The following GFAP variants were observed in gnomAD, a reference collection of about 807,000 sequenced individuals.
GFAP encodes glial fibrillary acidic protein.
Under a neutral mutation model 49.3 loss-of-function variants are expected in GFAP, and 38 were observed. The ratio of observed to expected loss-of-function variants is 0.77; its 90% CI spans 0.60 to 1.01. The LOEUF is 1.01. Ranked by LOEUF, GFAP falls within the 50% of genes least tolerant of loss-of-function variation. The pLI is 0.00. For synonymous variants in GFAP, 222 were observed against 236.4 expected (o/e 0.94, Z 0.56); for missense variants, 463 against 579.1 (o/e 0.80, Z 2.06).
rs948269761 is a variant in GFAP, at chr17:44,903,648, C to T, written c.*3699G>A. 2.5e-5 allele frequency: 36 copies of T among 1,432,960 alleles called. No homozygotes were observed. Among genetic ancestry groups the T allele is most frequent in the Non-Finnish European group, 3.1e-5 (34 of 1,099,818 alleles). 88.8% of individuals were successfully genotyped at this position (1,432,960 alleles called of 1,614,324 possible). On this transcript the variant is annotated 3_prime_UTR_variant, in exon 9 of 9. Transcript: ENST00000588735. ...TGGAATGTTAGAAGGGCATCTTGTA[C>T]ATCCACTGGGAATAAATTGCCTTGC...
chr17:44,910,583 G>A, intron 7 of GFAP, 32 bp downstream of exon 7: 1 of 1,562,902 alleles, frequency 6.4e-7, no homozygotes, highest in South Asian at 1.2e-5. Flanking sequence ...CAGGACTCCA[G>A]TGCCCTTCCC....
chr17:44,915,357 G>C lies in GFAP; in HGVS notation c.130C>G (p.Pro44Ala), dbSNP rs144543354. Residue 44 changes from proline (P) to alanine (A), a missense_variant, in exon 1 of 9, where the codon CCT becomes GCT. Transcript: ENST00000588735. This position sits in a 1 kb window ranked among gnomAD's most constrained non-coding sequence, Gnocchi z 4.1. The part of the protein sequence containing the change: ...GTRLSLARMP[P>A]PLPTRVDFSL... Reference sequence around the variant, plus strand: ...AAATCCACCCGGGTCGGGAGTGGAGGGGGCATTCGAGCCAGGGAGAGGCGG... The same window carrying C: ...AAATCCACCCGGGTCGGGAGTGGAGCGGGCATTCGAGCCAGGGAGAGGCGG... 100 of 1,611,506 alleles carry C rather than the reference G, an allele frequency of 6.2e-5. No homozygotes were observed. The African/African-American group carries it at 1.2e-3, about 20-fold the overall frequency.
intron 4 of GFAP, 100 bp from the exon 5 acceptor site, chr17:44,911,897 G>A: frequency 1.4e-6 from 2 of 1,388,474 alleles, no homozygotes; most frequent in Admixed American, 1.8e-5. Context: ...ACCCCAGGAC[G>A]TTGGCCCTGG....
Position 44,911,292 on chromosome 17 carries a change from C to T in GFAP, c.1071G>A (p.Leu357=), listed in dbSNP as rs1597857653. ...AGGTGGCGATCTCGATGTCCAGGGC[C>T]AGCTTGACATTGAGCAGGTCCTGGT... ...QEYQDLLNVK[L]ALDIEIATYR... The change falls in exon 6 of 9, where the codon CTG becomes CTA. Residue 357 remains leucine, a synonymous_variant. Transcript: ENST00000588735. 1 of 1,614,232 alleles carries T rather than the reference C, an allele frequency of 6.2e-7. No individual in the cohort carries two copies.
At chr17:44,914,282 A>G in intron 1 of GFAP, 194 bp from the exon 2 acceptor site, 1 of 595,160 alleles carries the variant, frequency 1.7e-6, no homozygotes, top group South Asian at 2.0e-5. Flanking sequence ...CTTTTGCCTT[A>G]ACTCATTACT....
In GFAP at chr17:44,908,057, TC is replaced by T; in HGVS notation, c.1257+6del. On this transcript the variant is annotated splice_donor_region_variant and intron_variant, in intron 8 of 8. Transcript: ENST00000588735. Reference sequence around the variant, plus strand: ...CAGAGCCTGACTGGGCCCAAATCCCTCCTTACCTCTCCATCCCGCATCTCCA... The same window carrying T: ...CAGAGCCTGACTGGGCCCAAATCCCTCTTACCTCTCCATCCCGCATCTCCA... The T allele has an allele frequency of 6.3e-7, 1 of 1,597,388 alleles. No individual in the cohort carries two copies. The highest frequency in any genetic ancestry group is 8.6e-7 in the Non-Finnish European group (1 of 1,164,984).
intron 7 of GFAP, chr17:44,909,883 A>G: frequency 7.6e-7 from 1 of 1,322,104 alleles, no homozygotes; most frequent in Non-Finnish European, 9.7e-7. Flanking sequence ...CTGCTTGCTC[A>G]GAGGCCCCAG....
Position 44,911,722 on chromosome 17 carries a change from G to T in GFAP, c.856C>A (p.Arg286=). Residue 286 remains arginine (R), a synonymous_variant, in exon 5 of 9, where the codon CGG becomes AGG. Transcript: ENST00000588735. ...RQAKHEANDY[R]RQLQSLTCDL... is the part of the protein sequence containing the mutation. ...CAGGTCAAGGACTGCAACTGGCGCC[G>T]GTAGTCGTTGGCTTCGTGCTTGGCC... The T allele has an allele frequency of 6.2e-7, 1 of 1,614,004 alleles. No individual in the cohort carries two copies. Among genetic ancestry groups the T allele is most frequent in the South Asian group, 1.1e-5 (1 of 91,082 alleles).
In GFAP at chr17:44,907,280, AGCAACTATCCTGCTTCT is replaced by A; in HGVS notation, c.*50_*66del. 1 of 1,474,294 alleles carries A rather than the reference AGCAACTATCCTGCTTCT, an allele frequency of 6.8e-7. No individual in the cohort carries two copies. Among genetic ancestry groups the A allele is most frequent in the Non-Finnish European group, 9.5e-7 (1 of 1,053,008 alleles). 91.3% of individuals were successfully genotyped at this position (1,474,294 alleles called of 1,614,324 possible). ...TGGGGAAATGTGCCAGCAGAGGCGGAGCAACTATCCTGCTTCTGCTCGGGCCCCTCATGAGACGGGGC... is the reference window on the plus strand; with the variant it reads ...TGGGGAAATGTGCCAGCAGAGGCGGAGCTCGGGCCCCTCATGAGACGGGGC... On this transcript the variant is annotated 3_prime_UTR_variant, in exon 9 of 9. Transcript: ENST00000588735.
In GFAP at chr17:44,904,012, A is replaced by C. The variant is rs1273417262; in HGVS notation, c.*3335T>G. ...GTCACTGCAAACCCGAAGAGGTGCC[A>C]GCTGTAGTCTGGTTCTACCAAAAGC... On this transcript the variant is annotated 3_prime_UTR_variant, in exon 9 of 9. Coordinates refer to ENST00000588735, the MANE Select transcript of GFAP (RefSeq NM_002055.5). 6.4e-7 allele frequency: 1 copy of C among 1,550,552 alleles called. No homozygotes were observed. Among genetic ancestry groups the C allele is most frequent in the Admixed American group, 2.0e-5 (1 of 50,992 alleles).
Position 44,913,806 on chromosome 17 carries a change from G to T in GFAP, c.540C>A (p.Thr180=). Residue 180 remains threonine (T), a synonymous_variant, in exon 3 of 9, where the codon ACC becomes ACA. Coordinates refer to ENST00000588735, the MANE Select transcript of GFAP (RefSeq NM_002055.5). ...AAYRQEADEA[T]LARLDLERKI... ...TCCTCTCCAGATCCAGACGGGCCAG[G>T]GTGGCTTCATCTGCTTCCTGGAGTG... 1 of 1,614,060 alleles carries T rather than the reference G, an allele frequency of 6.2e-7. No homozygotes were observed. The highest frequency in any genetic ancestry group is 8.5e-7 in the Non-Finnish European group (1 of 1,179,928).
chr17:44,910,142 G>A lies in GFAP; in HGVS notation c.1171+473C>T, dbSNP rs775524073. Reference sequence around the variant, plus strand: ...GTGTCTGAGAGGCAGGCAGCTAACCGCGAGCCGGCGGCGTTCCATTTACAA... The same window carrying A: ...GTGTCTGAGAGGCAGGCAGCTAACCACGAGCCGGCGGCGTTCCATTTACAA... On this transcript the variant is annotated intron_variant, in intron 7 of 8. Transcript: ENST00000588735. The A allele has an allele frequency of 2.4e-5, 39 of 1,613,852 alleles. No individual in the cohort carries two copies. The highest frequency in any genetic ancestry group is 3.0e-5 in the Non-Finnish European group (35 of 1,179,852).
In GFAP at chr17:44,904,755, G is replaced by A. The variant is rs548806172; in HGVS notation, c.*2592C>T. 49 of 1,550,568 alleles carry A rather than the reference G, an allele frequency of 3.2e-5. No individual in the cohort carries two copies. In the East Asian group the frequency reaches 3.4e-4, roughly 11 times the overall value. On this transcript the variant is annotated 3_prime_UTR_variant, in exon 9 of 9. Coordinates refer to ENST00000588735, the MANE Select transcript of GFAP (RefSeq NM_002055.5). ...GACAAAGACCGCCAGCACCTCTACC[G>A]CACACAGTACCTGAAGGGTGTCAAC...
rs988323489 is a variant in GFAP at position 44,910,505 on chromosome 17, G to A, written c.1171+110C>T. 3.0e-5 allele frequency: 46 copies of A among 1,552,958 alleles called. No individual in the cohort carries two copies. The highest frequency in any genetic ancestry group is 3.7e-5 in the Non-Finnish European group (43 of 1,147,778). ...GCAGTGTCACGAAGGCCCCCAGGGA[G>A]AGCTGGATCCCTTTGCCCTGATCCT... is the stretch of plus-strand genomic sequence containing the variant. On this transcript the variant is annotated intron_variant, in intron 7 of 8. Coordinates refer to ENST00000588735, the MANE Select transcript of GFAP (RefSeq NM_002055.5).
rs748862110 is a variant in GFAP at position 44,907,923 on chromosome 17, G to A, written c.1257+141C>T. 9 of 774,124 alleles carry A rather than the reference G, an allele frequency of 1.2e-5. No homozygotes were observed. The South Asian group carries it at 1.2e-4, about 11-fold the overall frequency. 48.0% of individuals were successfully genotyped at this position (774,124 alleles called of 1,614,324 possible). A position where few individuals can be genotyped will look rare whatever the true frequency, so the allele number is the denominator to read the frequency against. ...AAACGGAATTACATTCAGTTTCCTT[G>A]CTCTCCTCCAGAATTCCCTGGGGAG... is the stretch of plus-strand genomic sequence containing the variant. On this transcript the variant is annotated intron_variant, in intron 8 of 8. Transcript: ENST00000588735.
At position 44,915,366 on chromosome 17, in the gene GFAP, G is replaced by A. The variant is rs750178537; in HGVS notation, c.121C>T (p.Arg41Ter). The A allele has an allele frequency of 5.0e-6, 8 of 1,610,208 alleles. No individual in the cohort carries two copies. Among genetic ancestry groups the A allele is most frequent in the East Asian group, 2.2e-5 (1 of 44,792 alleles). ...LGPGTRLSLA[R>*]MPPPLPTRVD... ...CGGGTCGGGAGTGGAGGGGGCATTC[G>A]AGCCAGGGAGAGGCGGGTGCCAGGA... The change falls in exon 1 of 9, where the codon CGA becomes TGA. Residue 41 changes from arginine to a stop codon, truncating the protein, a stop_gained. Transcript: ENST00000588735. LOFTEE classifies it high-confidence loss of function. The surrounding 1 kb of genome is among the most constrained non-coding windows in gnomAD (Gnocchi z 4.1).
intron 2 of GFAP, 35 bp downstream of exon 2, chr17:44,913,993 C>T: frequency 1.4e-6 from 2 of 1,460,138 alleles, no homozygotes; most frequent in Non-Finnish European, 9.4e-7. Context: ...CAATCCTTTC[C>T]TCCCTCCCCT....
Position 44,907,261 on chromosome 17 carries a change from A to G in GFAP, c.*86T>C. 1.6e-6 allele frequency: 2 copies of G among 1,280,066 alleles called. No homozygotes were observed. The highest frequency in any genetic ancestry group is 2.3e-6 in the Non-Finnish European group (2 of 876,832). The allele number at this position is 1,280,066 out of a possible 1,614,324, so 79.3% of individuals were successfully genotyped here. A position where few individuals can be genotyped will look rare whatever the true frequency, so the allele number is the denominator to read the frequency against. ...GTGGTGGGGAGCTCAGGTCTGGGGA[A>G]ATGTGCCAGCAGAGGCGGAGCAACT... On this transcript the variant is annotated 3_prime_UTR_variant, in exon 9 of 9. Transcript: ENST00000588735.
At chr17:44,908,323 T>G (rs559775445) in intron 7 of GFAP, 174 bp from the exon 8 acceptor site, 10 of 391,642 alleles carry the variant, frequency 2.6e-5, no homozygotes, top group Non-Finnish European at 2.8e-5. Flanking sequence ...CAAATCCCAA[T>G]AGTGCTGCTG....
Sources: gnomAD v4.1 joint callset for allele counts on GRCh38, gnomAD v4.1.1 for gene constraint, Gnocchi (gnomAD v3.1) non-coding constraint, MANE v1.5 for transcripts, NCBI Gene and HGNC (gene_info 2026-07-23, HGNC 2026-07-21) for gene names.